Variants in AMN observed in about 807,000 individuals in gnomAD.
AMN encodes protein amnionless.
In AMN, 40 loss-of-function variants were observed where a neutral mutation model predicts 49.1. The ratio of observed to expected loss-of-function variants is 0.81; its 90% CI spans 0.63 to 1.06. AMN has a LOEUF of 1.06. Ranked by LOEUF, AMN falls within the 50% of genes least tolerant of loss-of-function variation. The probability of loss-of-function intolerance (pLI) is 0.00; values close to 1 mark genes in which losing one functional copy is unlikely to be tolerated. For missense variants in AMN, 701 were observed against 662.8 expected (o/e 1.06, Z -0.63); for synonymous variants, 380 against 313.3 (o/e 1.21, Z -2.25).
At chr14:102,923,858 A>G (rs1343776007) in intron 2 of AMN, 29 bp downstream of exon 2, 2 of 1,612,402 alleles carry the variant, frequency 1.2e-6, no homozygotes, top group Non-Finnish European at 1.7e-6. Flanking sequence ...GGGGTCGGTG[A>G]TGGGCCTGGA....
chr14:102,929,759 C>T, intron 8 of AMN, 22 bp downstream of exon 8: 1 of 1,548,736 alleles, frequency 6.5e-7, no homozygotes, highest in Non-Finnish European at 8.7e-7. Flanking sequence ...GCGCGGGCAG[C>T]TGAGGGGAGT....
intron 4 of AMN, 88 bp from the exon 5 acceptor site, chr14:102,928,670 G>A: frequency 6.6e-7 from 1 of 1,524,664 alleles, no homozygotes. Context: ...GGCTTGGGAG[G>A]TCGTGCTCAG....
rs1364215901 is a variant in AMN, at chr14:102,930,316, G to A, written c.1158G>A (p.Ala386=). ...LLVAPPLLRR[A]GRLRWRRHEA... ...TGGCGCCGCCGCTGCTGCGCCGCGCGGGGAGGCTCAGGTACGCGGGGCGGG... is the reference window on the plus strand; with the variant it reads ...TGGCGCCGCCGCTGCTGCGCCGCGCAGGGAGGCTCAGGTACGCGGGGCGGG... The change falls in exon 10 of 12, where the codon GCG becomes GCA. Residue 386 remains alanine, a synonymous_variant. Transcript: ENST00000299155. The A allele has an allele frequency of 2.2e-6, 3 of 1,379,378 alleles. No homozygotes were observed. The highest frequency in any genetic ancestry group is 3.1e-5 in the East Asian group (1 of 32,532). 85.4% of individuals were successfully genotyped at this position (1,379,378 alleles called of 1,614,324 possible).
chr14:102,923,032 G>A, intron 1 of AMN: 1 of 429,764 alleles, frequency 2.3e-6, no homozygotes. Context: ...AATGGGCGCG[G>A]TCCCCAGAAC....
chr14:102,927,546 G>A (rs930175523), intron 3 of AMN, among the ~76,000 whole-genome samples: 1 of 152,226 alleles, frequency 6.6e-6, no homozygotes, highest in Admixed American at 6.5e-5. Context: ...GAACTGAAGT[G>A]TGACCTCACG....
At chr14:102,923,469 C>A in intron 1 of AMN, 1 of 530,020 alleles carries the variant, frequency 1.9e-6, no homozygotes. Flanking sequence ...GGCAGGCGTC[C>A]TGCAGGGCGC....
In AMN at chr14:102,923,922, C is replaced by A. The variant is rs758423517; in HGVS notation, c.163-13C>A. Reference sequence around the variant, plus strand: ...GTTGCTCCCGGCTCGGCTGAGGCAGCTTCTTCCTGCAGATGGTGTCAGTCC... The same window carrying A: ...GTTGCTCCCGGCTCGGCTGAGGCAGATTCTTCCTGCAGATGGTGTCAGTCC... On this transcript the variant is annotated splice_polypyrimidine_tract_variant and intron_variant, in intron 2 of 11. Transcript: ENST00000299155. The A allele has an allele frequency of 1.2e-5, 20 of 1,613,026 alleles. No individual in the cohort carries two copies. Among genetic ancestry groups the A allele is most frequent in the Admixed American group, 5.0e-5 (3 of 60,006 alleles).
At position 102,930,703 on chromosome 14, in the gene AMN, T is replaced by TG. The variant is rs1566829926; in HGVS notation, c.*27dup. On this transcript the variant is annotated 3_prime_UTR_variant, in exon 12 of 12. Coordinates refer to ENST00000299155, the MANE Select transcript of AMN (RefSeq NM_030943.4). ...TGAGCGGCCGCCTGACCGTCGACCT[T>TG]GGGGCTCTCCACCCGCTCTGGCCCC... 6.4e-7 allele frequency: 1 copy of TG among 1,560,006 alleles called. No homozygotes were observed. Among genetic ancestry groups the TG allele is most frequent in the Non-Finnish European group, 8.7e-7 (1 of 1,153,718 alleles).
rs1249885449 is a variant in AMN, at chr14:102,929,487, C to T, written c.711C>T (p.Ala237=). ...LQPLGGRCPQ[A]ACHSALRPQG... is the part of the protein sequence containing the mutation. ...CCCTGGGCGGCCGCTGCCCCCAGGC[C>T]GCCTGCCACAGCGCCCTCCGGCCCC... The change falls in exon 7 of 12, where the codon GCC becomes GCT. Residue 237 remains alanine (A), a synonymous_variant. Transcript: ENST00000299155. The T allele has an allele frequency of 1.3e-6, 2 of 1,532,460 alleles. No homozygotes were observed. Among genetic ancestry groups the T allele is most frequent in the East Asian group, 2.4e-5 (1 of 40,828 alleles). The allele number at this position is 1,532,460 out of a possible 1,614,324, so 94.9% of individuals were successfully genotyped here. A position where few individuals can be genotyped will look rare whatever the true frequency, so the allele number is the denominator to read the frequency against.
chr14:102,925,766 G>A lies in AMN; in HGVS notation c.207+1787G>A, dbSNP rs190085476. 3.0e-3 allele frequency among the ~76,000 whole-genome samples: 453 copies of A among 152,232 alleles called. 3 individuals carry two copies. The highest frequency in any genetic ancestry group is 0.011 in the African/African-American group (443 of 41,524). On this transcript the variant is annotated intron_variant, in intron 3 of 11. Coordinates refer to ENST00000299155, the MANE Select transcript of AMN (RefSeq NM_030943.4). ...TCATCCATTGGCCGGTGGGAACAGC[G>A]CAGGGGCAGGGGACAGTGGCCCCAG...
chr14:102,926,426 G>C (rs954281485), intron 3 of AMN, among the ~76,000 whole-genome samples: 1 of 151,708 alleles, frequency 6.6e-6, no homozygotes, highest in Non-Finnish European at 1.5e-5. Flanking sequence ...CCGCTTTGCC[G>C]ACCCTACACT....
At chr14:102,925,216 G>A (rs1373059939) in intron 3 of AMN, among the ~76,000 whole-genome samples, 1 of 152,256 alleles carries the variant, frequency 6.6e-6, no homozygotes, top group East Asian at 1.9e-4. Context: ...GGGTCGGGGT[G>A]TCGGCTCCAG....
chr14:102,923,873 T>C (rs1310776759), intron 2 of AMN, 44 bp downstream of exon 2: 1 of 1,612,584 alleles, frequency 6.2e-7, no homozygotes, highest in Non-Finnish European at 8.5e-7. Context: ...CCTGGACCCC[T>C]GAGACCGTGT....
chr14:102,929,896 G>C (rs1891293681), intron 8 of AMN, 28 bp from the exon 9 acceptor site: 1 of 1,550,806 alleles, frequency 6.4e-7, no homozygotes. Context: ...GGGGGGCTGA[G>C]TCAAACCAAC....
intron 1 of AMN, 67 bp from the exon 2 acceptor site, chr14:102,923,644 G>A (rs1409548314): frequency 7.3e-7 from 1 of 1,378,226 alleles, no homozygotes; most frequent in Non-Finnish European, 1.0e-6. Context: ...TTCTCTGGGT[G>A]GGTGGCCTTC....
chr14:102,923,931 G>T lies in AMN; in HGVS notation c.163-4G>T. The T allele has an allele frequency of 6.2e-7, 1 of 1,613,196 alleles. No homozygotes were observed. The highest frequency in any genetic ancestry group is 8.5e-7 in the Non-Finnish European group (1 of 1,180,024). On this transcript the variant is annotated splice_region_variant and splice_polypyrimidine_tract_variant and intron_variant, in intron 2 of 11. Transcript: ENST00000299155. ...GGCTCGGCTGAGGCAGCTTCTTCCT[G>T]CAGATGGTGTCAGTCCTGGTGCAAG...
intron 1 of AMN, 169 bp from the exon 2 acceptor site, chr14:102,923,542 A>G (rs1891112606): frequency 2.9e-6 from 2 of 678,128 alleles, no homozygotes; most frequent in Non-Finnish European, 5.2e-6. Context: ...CAGGGCGCCC[A>G]CAGTCTGGCC....
Position 102,930,707 on chromosome 14 carries a change from G to T in AMN, c.*27G>T. The stretch of plus-strand genomic sequence containing the variant: ...CGGCCGCCTGACCGTCGACCTTGGG[G>T]CTCTCCACCCGCTCTGGCCCCAGTC... On this transcript the variant is annotated 3_prime_UTR_variant, in exon 12 of 12. Coordinates refer to ENST00000299155, the MANE Select transcript of AMN (RefSeq NM_030943.4). The T allele has an allele frequency of 1.3e-6, 2 of 1,556,818 alleles. No individual in the cohort carries two copies. Among genetic ancestry groups the T allele is most frequent in the Non-Finnish European group, 1.7e-6 (2 of 1,151,922 alleles).
intron 3 of AMN, 65 bp from the exon 4 acceptor site, chr14:102,928,361 G>A (rs1891234949): frequency 2.1e-6 from 3 of 1,435,012 alleles, no homozygotes; most frequent in Non-Finnish European, 1.9e-6. Flanking sequence ...GGGACTGGGG[G>A]CGGGGTGGGC....
Sources: gnomAD v4.1 joint callset for allele counts (sites outside exome capture counted in the v4.1 genomes callset) on GRCh38, gnomAD v4.1.1 for gene constraint, MANE v1.5 for transcripts, NCBI Gene and HGNC (gene_info 2026-07-23, HGNC 2026-07-21) for gene names.